The following CAMKMT variants were observed in gnomAD, a reference collection of about 807,000 sequenced individuals.
The protein encoded by CAMKMT is CaM KMT.
A neutral mutation model predicts 48.0 loss-of-function variants in CAMKMT; 53 were observed. The observed-to-expected ratio is 1.10, with a 90% CI of 0.89 to 1.39. The LOEUF (loss-of-function observed/expected upper bound fraction) is 1.39, where lower values mean the gene tolerates loss of function less well. Among genes scored for constraint, CAMKMT ranks in the 40% most tolerant of loss-of-function variants. CAMKMT has a pLI of 0.00. For synonymous variants in CAMKMT, 165 were observed against 152.3 expected (o/e 1.08, Z -0.61); for missense variants, 428 against 402.7 (o/e 1.06, Z -0.54).
chr2:44,659,383 T>C (rs1674555745), intron 3 of CAMKMT, among the ~76,000 whole-genome samples: 1 of 151,948 alleles, frequency 6.6e-6, no homozygotes, highest in Admixed American at 6.6e-5. Context: ...GCTGTGATTA[T>C]AACACTGCAC....
intron 3 of CAMKMT, among the ~76,000 whole-genome samples, chr2:44,488,882 A>C (rs1669345604): frequency 8.9e-6 from 1 of 112,064 alleles, no homozygotes. Flanking sequence ...TGTGTGTTTT[A>C]AGAAATGGAG....
intron 3 of CAMKMT, among the ~76,000 whole-genome samples, chr2:44,627,729 A>G (rs1241442822): frequency 5.6e-5 from 1 of 17,756 alleles, no homozygotes; most frequent in African/African-American, 2.2e-4. Context: ...TTTTTTTTTG[A>G]GATGGAGTCT....
Position 44,761,792 on chromosome 2 carries a change from C to T in CAMKMT, c.763-4638C>T, listed in dbSNP as rs1558840780. ...CTCAGCTTGCATATCTGAGTGTATG[C>T]GTGTGTGTGTGCTGCATTTGATGGA... On this transcript the variant is annotated intron_variant, in intron 9 of 10. Coordinates refer to ENST00000378494, the MANE Select transcript of CAMKMT (RefSeq NM_024766.5). Among the ~76,000 whole-genome samples, 6 of 152,024 alleles carry T rather than the reference C, an allele frequency of 3.9e-5. No individual in the cohort carries two copies. In the South Asian group the frequency reaches 6.2e-4, roughly 16 times the overall value.
At chr2:44,768,483 G>C (rs1350286795) in intron 10 of CAMKMT, among the ~76,000 whole-genome samples, 1 of 151,796 alleles carries the variant, frequency 6.6e-6, no homozygotes, top group Non-Finnish European at 1.5e-5. Context: ...TGTGCTGACC[G>C]GGCTGGCACG....
At chr2:44,416,178 G>T (rs928121196) in intron 3 of CAMKMT, among the ~76,000 whole-genome samples, 4 of 152,036 alleles carry the variant, frequency 2.6e-5, no homozygotes, top group African/African-American at 9.7e-5. Context: ...ATATGTTTTG[G>T]GTGCCATGTG....
intron 9 of CAMKMT, among the ~76,000 whole-genome samples, chr2:44,762,659 AAAAT>A (rs1680668243): frequency 6.6e-6 from 1 of 152,236 alleles, no homozygotes; most frequent in Admixed American, 6.5e-5. Context: ...AGTATAATAA[AAAAT>A]AAAATAAAAA....
intron 9 of CAMKMT, among the ~76,000 whole-genome samples, chr2:44,755,815 C>T (rs1287636285): frequency 2.0e-5 from 3 of 152,160 alleles, no homozygotes; most frequent in African/African-American, 7.2e-5. Flanking sequence ...ACAGCTGATA[C>T]TCACCCTTAG....
chr2:44,587,908 G>A, intron 3 of CAMKMT, among the ~76,000 whole-genome samples: 1 of 110,550 alleles, frequency 9.0e-6, no homozygotes, highest in African/African-American at 3.3e-5. Context: ...ACCCCGTCTG[G>A]GAAGTGAGGA....
chr2:44,723,547 C>T (rs1678597721), intron 7 of CAMKMT, among the ~76,000 whole-genome samples: 6 of 151,340 alleles, frequency 4.0e-5, no homozygotes, highest in Admixed American at 3.3e-4. Context: ...GCGGAGATCA[C>T]ACCACTGCAC....
intron 3 of CAMKMT, among the ~76,000 whole-genome samples, chr2:44,445,645 G>GTTT (rs869258613): frequency 9.9e-6 from 1 of 101,406 alleles, no homozygotes; most frequent in South Asian, 3.3e-4. Flanking sequence ...CAAAAGGGTA[G>GTTT]TTTTTTTTTT....
intron 3 of CAMKMT, among the ~76,000 whole-genome samples, chr2:44,534,010 A>T (rs997167401): frequency 2.0e-5 from 3 of 152,228 alleles, no homozygotes; most frequent in Non-Finnish European, 4.4e-5. Flanking sequence ...AGACATGTAT[A>T]GACTGTAAGT....
At chr2:44,374,771 T>C (rs1679512716) in intron 2 of CAMKMT, among the ~76,000 whole-genome samples, 1 of 152,172 alleles carries the variant, frequency 6.6e-6, no homozygotes, top group Admixed American at 6.5e-5. Context: ...AAATATGACA[T>C]TGAGTTGGAA....
intron 3 of CAMKMT, among the ~76,000 whole-genome samples, chr2:44,629,570 C>T (rs4337521): frequency 0.55 from 82,529 of 151,202 alleles, 23,368 homozygotes; most frequent in Middle Eastern, 0.66. Context: ...TCCCAGGTAG[C>T]GGGGACTACA....
chr2:44,635,835 C>A (rs1007012391), intron 3 of CAMKMT, among the ~76,000 whole-genome samples: 1 of 152,134 alleles, frequency 6.6e-6, no homozygotes, highest in African/African-American at 2.4e-5. Flanking sequence ...AACGAAGTGA[C>A]TTAAAATAGA....
chr2:44,390,767 T>G (rs1681263806), intron 3 of CAMKMT, among the ~76,000 whole-genome samples: 1 of 152,200 alleles, frequency 6.6e-6, no homozygotes, highest in Non-Finnish European at 1.5e-5. Flanking sequence ...CTACTATACA[T>G]TAATACCAGA....
chr2:44,396,853 G>T (rs1404257958), intron 3 of CAMKMT, among the ~76,000 whole-genome samples: 2 of 151,850 alleles, frequency 1.3e-5, no homozygotes, highest in Admixed American at 6.6e-5. Flanking sequence ...AAGGTCAGGA[G>T]ATCGAGACCA....
chr2:44,624,114 C>T (rs891677746), intron 3 of CAMKMT, among the ~76,000 whole-genome samples: 5 of 152,028 alleles, frequency 3.3e-5, no homozygotes, highest in African/African-American at 9.7e-5. Flanking sequence ...AAGTAAACAC[C>T]ATCAGCAGAG....
At chr2:44,624,096 A>G (rs371808303) in intron 3 of CAMKMT, among the ~76,000 whole-genome samples, 5 of 152,200 alleles carry the variant, frequency 3.3e-5, no homozygotes, top group Middle Eastern at 3.2e-3. Context: ...TAAGTAAACT[A>G]AAGAGCTAAG....
At chr2:44,395,141 TTGTTA>T (rs1375410130) in intron 3 of CAMKMT, 14 of 358,126 alleles carry the variant, frequency 3.9e-5, no homozygotes, top group African/African-American at 2.6e-4. Flanking sequence ...TGTTTCATTG[TTGTTA>T]TGTTATAAAG....
Sources: gnomAD v4.1 joint callset for allele counts (sites outside exome capture counted in the v4.1 genomes callset) on GRCh38, gnomAD v4.1.1 for gene constraint, MANE v1.5 for transcripts, NCBI Gene and HGNC (gene_info 2026-07-23, HGNC 2026-07-21) for gene names.